The following TNRC6A variants were observed in gnomAD, a reference collection of about 807,000 sequenced individuals.
The protein encoded by TNRC6A is trinucleotide repeat containing adaptor 6A.
In TNRC6A, 44 loss-of-function variants were observed where a neutral mutation model predicts 221.2. The ratio of observed to expected loss-of-function variants is 0.20; its 90% CI spans 0.16 to 0.26. The LOEUF (loss-of-function observed/expected upper bound fraction) is 0.26. TNRC6A is among the 10% of genes least tolerant of loss of function. The pLI, the probability that TNRC6A is intolerant of heterozygous loss-of-function variation, is 1.00. For synonymous variants in TNRC6A, 847 were observed against 838.5 expected (o/e 1.01, Z -0.18); for missense variants, 2,199 against 2,404.4 (o/e 0.91, Z 1.79).
At chr16:24,629,064 C>T (rs1034742021) in intron 1 of TNRC6A, among the ~76,000 whole-genome samples, 2 of 151,830 alleles carry the variant, frequency 1.3e-5, no homozygotes, top group African/African-American at 4.8e-5. Flanking sequence ...CTAGTTTTCC[C>T]GAGGCCTTTA....
At chr16:24,771,354 G>A (rs909785032) in intron 4 of TNRC6A, among the ~76,000 whole-genome samples, 3 of 152,174 alleles carry the variant, frequency 2.0e-5, no homozygotes, top group Admixed American at 6.5e-5. Context: ...CTTGCCCATG[G>A]TCATATAGCT....
intron 2 of TNRC6A, among the ~76,000 whole-genome samples, chr16:24,742,908 G>C (rs994188193): frequency 4.6e-5 from 7 of 152,204 alleles, no homozygotes; most frequent in African/African-American, 1.7e-4. Context: ...TCCAGCCTGG[G>C]TGACAGAGCG....
At chr16:24,750,873 A>G (rs1283786588) in intron 3 of TNRC6A, 60 bp downstream of exon 3, 1 of 1,298,580 alleles carries the variant, frequency 7.7e-7, no homozygotes, top group Middle Eastern at 2.8e-4. Flanking sequence ...AAAAAAAATT[A>G]CTCTTACAGA....
At chr16:24,681,561 G>A (rs574689518) in intron 2 of TNRC6A, among the ~76,000 whole-genome samples, 1 of 151,990 alleles carries the variant, frequency 6.6e-6, no homozygotes, top group Non-Finnish European at 1.5e-5. Flanking sequence ...AATATATTGT[G>A]GACATATTTT....
At chr16:24,752,562 G>T (rs1363040511) in intron 3 of TNRC6A, among the ~76,000 whole-genome samples, 1 of 152,122 alleles carries the variant, frequency 6.6e-6, no homozygotes, top group Non-Finnish European at 1.5e-5. Context: ...TCTGTCAGAG[G>T]CTGTTTATGT....
chr16:24,778,969 A>G (rs1396455491), intron 5 of TNRC6A, among the ~76,000 whole-genome samples: 1 of 152,232 alleles, frequency 6.6e-6, no homozygotes, highest in Non-Finnish European at 1.5e-5. Flanking sequence ...TGAACAAGAC[A>G]GTGAAGTGGG....
intron 4 of TNRC6A, among the ~76,000 whole-genome samples, chr16:24,773,580 G>A (rs1596671640): frequency 6.6e-6 from 1 of 152,162 alleles, no homozygotes; most frequent in African/African-American, 2.4e-5. Flanking sequence ...ACCTATGATT[G>A]TTTCATGGGC....
intron 2 of TNRC6A, among the ~76,000 whole-genome samples, chr16:24,643,104 A>T (rs1902068019): frequency 1.6e-5 from 1 of 63,496 alleles, no homozygotes; most frequent in Non-Finnish European, 3.2e-5. Context: ...TTATATATAT[A>T]TATAAAATAT....
chr16:24,721,604 T>A (rs2151091988), intron 2 of TNRC6A, among the ~76,000 whole-genome samples: 1 of 152,204 alleles, frequency 6.6e-6, no homozygotes, highest in Non-Finnish European at 1.5e-5. Context: ...CCAAAGAGTT[T>A]GAGATCAGCC....
intron 2 of TNRC6A, among the ~76,000 whole-genome samples, chr16:24,647,341 T>C (rs1203159367): frequency 6.6e-6 from 1 of 152,202 alleles, no homozygotes; most frequent in East Asian, 1.9e-4. Flanking sequence ...TATACGCGCA[T>C]GCATGCAAGA....
At chr16:24,612,564 T>C (rs112841312) in intron 1 of TNRC6A, among the ~76,000 whole-genome samples, 1 of 148,252 alleles carries the variant, frequency 6.7e-6, no homozygotes, top group African/African-American at 2.5e-5. Flanking sequence ...CTGGGCAACA[T>C]GGCAAAACCT....
intron 1 of TNRC6A, among the ~76,000 whole-genome samples, chr16:24,629,681 T>G (rs190339431): frequency 4.6e-5 from 7 of 152,276 alleles, no homozygotes; most frequent in African/African-American, 7.2e-5. Context: ...ATTTTAATTG[T>G]AGTAAAATAC....
At chr16:24,778,339 CA>C in intron 5 of TNRC6A, 1 of 984,554 alleles carries the variant, frequency 1.0e-6, no homozygotes, top group Non-Finnish European at 1.2e-6. Flanking sequence ...TATGGTATTT[CA>C]CAGTGAATAA....
At position 24,789,524 on chromosome 16, in the gene TNRC6A, G is replaced by C; in HGVS notation, c.882G>C (p.Lys294Asn). Residue 294 changes from lysine (K) to asparagine (N), a missense_variant, in exon 6 of 25, where the codon AAG becomes AAC. Transcript: ENST00000395799. ...RNSTGLGSQN[K>N]FVVGSSSNNV... is the part of the protein sequence containing the mutation. Reference sequence around the variant, plus strand: ...GCACTGGACTTGGTTCCCAAAACAAGTTTGTAGTTGGTAGCAGCAGCAATA... The same window carrying C: ...GCACTGGACTTGGTTCCCAAAACAACTTTGTAGTTGGTAGCAGCAGCAATA... 1.2e-6 allele frequency: 2 copies of C among 1,614,184 alleles called. No individual in the cohort carries two copies. The highest frequency in any genetic ancestry group is 2.2e-5 in the South Asian group (2 of 91,080).
chr16:24,671,912 T>C (rs993614875), intron 2 of TNRC6A, among the ~76,000 whole-genome samples: 8 of 151,938 alleles, frequency 5.3e-5, no homozygotes, highest in Admixed American at 3.3e-4. Context: ...AAAAAAAGAG[T>C]AAAGAGACAA....
chr16:24,626,948 A>G (rs1162558882), intron 1 of TNRC6A, among the ~76,000 whole-genome samples: 5 of 124,232 alleles, frequency 4.0e-5, no homozygotes, highest in East Asian at 5.2e-4. Context: ...CACCGCGCCC[A>G]GCCTGTTTTT....
At chr16:24,666,032 A>C (rs977207116) in intron 2 of TNRC6A, among the ~76,000 whole-genome samples, 3 of 152,164 alleles carry the variant, frequency 2.0e-5, no homozygotes, top group African/African-American at 7.2e-5. Flanking sequence ...AATGATGTTC[A>C]AGAGAATAAG....
At chr16:24,647,315 A>G (rs1902346643) in intron 2 of TNRC6A, among the ~76,000 whole-genome samples, 1 of 152,166 alleles carries the variant, frequency 6.6e-6, no homozygotes, top group African/African-American at 2.4e-5. Context: ...TTTCCATTAA[A>G]AATTGTGTAC....
intron 4 of TNRC6A, among the ~76,000 whole-genome samples, chr16:24,772,755 C>A (rs1333788727): frequency 1.3e-5 from 2 of 152,156 alleles, no homozygotes; most frequent in Non-Finnish European, 2.9e-5. Context: ...AGCACTCCAG[C>A]CTGAGCGAGA....
Sources: gnomAD v4.1 joint callset for allele counts (sites outside exome capture counted in the v4.1 genomes callset) on GRCh38, gnomAD v4.1.1 for gene constraint, MANE v1.5 for transcripts, NCBI Gene and HGNC (gene_info 2026-07-23, HGNC 2026-07-21) for gene names.